TRPM3: variants seen among roughly 807,000 people sequenced by gnomAD.
TRPM3 encodes the protein long transient receptor potential channel 3.
TRPM3 carries 77 observed loss-of-function variants against 181.2 expected under a neutral mutation model. The observed-to-expected ratio is 0.42, with a 90% CI of 0.35 to 0.51. TRPM3 has a LOEUF of 0.51. TRPM3 is among the 20% of genes least tolerant of loss of function. TRPM3 has a pLI of 0.01. For missense variants in TRPM3, 1,759 were observed against 2,196.7 expected (o/e 0.80, Z 3.98); for synonymous variants, 745 against 796.4 (o/e 0.94, Z 1.09).
intron 8 of TRPM3, among the ~76,000 whole-genome samples, chr9:70,697,540 C>G (rs1243140987): frequency 6.6e-6 from 1 of 152,126 alleles, no homozygotes; most frequent in African/African-American, 2.4e-5. Flanking sequence ...ACTCCAGGGT[C>G]AAAACTCTGC....
At position 70,667,519 on chromosome 9, in the gene TRPM3, G is replaced by A. The variant is rs530602370; in HGVS notation, c.1345+13987C>T. 5.5e-4 allele frequency among the ~76,000 whole-genome samples: 84 copies of A among 152,150 alleles called. No individual in the cohort carries two copies. The South Asian group carries it at 0.017, about 31-fold the overall frequency. Reference sequence around the variant, plus strand: ...GTGGCCCAGGTCTCACTTTGTACCTGGTTCCCCTAGACCAGAAAATCTGTT... The same window carrying A: ...GTGGCCCAGGTCTCACTTTGTACCTAGTTCCCCTAGACCAGAAAATCTGTT... On this transcript the variant is annotated intron_variant, in intron 9 of 25. Coordinates refer to ENST00000677713, the MANE Select transcript of TRPM3 (RefSeq NM_001366145.2).
At chr9:71,081,917 T>C (rs473392) in intron 1 of TRPM3, among the ~76,000 whole-genome samples, 138,368 of 152,224 alleles carry the variant, frequency 0.91, 62,981 homozygotes, top group East Asian at 1. Context: ...ATGATAATTA[T>C]AAGTAAGATA....
At chr9:71,158,986 C>G (rs1428492596) in intron 1 of TRPM3, among the ~76,000 whole-genome samples, 1 of 152,030 alleles carries the variant, frequency 6.6e-6, no homozygotes, top group Admixed American at 6.6e-5. Flanking sequence ...CATCAGTGCT[C>G]TGCGCCTCAG....
chr9:71,147,900 C>T (rs1259904404), intron 1 of TRPM3, among the ~76,000 whole-genome samples: 1 of 152,052 alleles, frequency 6.6e-6, no homozygotes, highest in African/African-American at 2.4e-5. Flanking sequence ...TTTCTTTTTC[C>T]AGAATCTAGA....
At chr9:71,013,939 T>C (rs566145570) in intron 1 of TRPM3, among the ~76,000 whole-genome samples, 1 of 152,090 alleles carries the variant, frequency 6.6e-6, no homozygotes, top group East Asian at 1.9e-4. Context: ...CCTGCTCTTA[T>C]AGTTATTATT....
chr9:71,252,803 G>A (rs189145694), intron 1 of TRPM3, among the ~76,000 whole-genome samples: 1 of 149,416 alleles, frequency 6.7e-6, no homozygotes, highest in Admixed American at 6.6e-5. Context: ...CTCCCAAGTA[G>A]CTGGGACCAC....
chr9:71,073,652 A>AT lies in TRPM3; in HGVS notation c.177+47525_177+47526insA, dbSNP rs536819191. On this transcript the variant is annotated intron_variant, in intron 1 of 25. Coordinates refer to ENST00000677713, the MANE Select transcript of TRPM3 (RefSeq NM_001366145.2). ...TCCATAGATTATCAATAAAAAAAAA[A>AT]CCCAATTTATTTAGAAAATGTTATT... Among the ~76,000 whole-genome samples, 304 of 151,620 alleles carry AT rather than the reference A, an allele frequency of 2.0e-3. 2 individuals carry two copies. Among genetic ancestry groups the AT allele is most frequent in the African/African-American group, 7.1e-3 (292 of 41,278 alleles).
chr9:70,830,163 G>A (rs1036585144), intron 5 of TRPM3, among the ~76,000 whole-genome samples: 6 of 152,190 alleles, frequency 3.9e-5, no homozygotes, highest in Non-Finnish European at 2.9e-5. Context: ...GGGCATTTGT[G>A]CTGGCTGAGA....
intron 1 of TRPM3, among the ~76,000 whole-genome samples, chr9:71,305,090 C>T (rs574924129): frequency 6.6e-6 from 1 of 152,266 alleles, no homozygotes; most frequent in Non-Finnish European, 1.5e-5. Flanking sequence ...CAAGAATTTT[C>T]CCAAACATAC....
chr9:70,629,984 G>A (rs1235985677), intron 12 of TRPM3, among the ~76,000 whole-genome samples: 2 of 152,194 alleles, frequency 1.3e-5, no homozygotes, highest in East Asian at 1.9e-4. Context: ...CTCTGAGGGG[G>A]ATGGCAGCCT....
At chr9:71,198,585 C>T (rs1165514340) in intron 1 of TRPM3, among the ~76,000 whole-genome samples, 1 of 151,900 alleles carries the variant, frequency 6.6e-6, no homozygotes, top group Non-Finnish European at 1.5e-5. Context: ...AGAGGTCCTT[C>T]ACATCCCTTG....
intron 5 of TRPM3, among the ~76,000 whole-genome samples, chr9:70,837,557 T>A (rs904181086): frequency 3.9e-5 from 6 of 152,218 alleles, no homozygotes; most frequent in Non-Finnish European, 8.8e-5. Context: ...CTTGTTAATC[T>A]AGATTTCAGA....
At chr9:70,799,730 T>C (rs948472935) in intron 6 of TRPM3, among the ~76,000 whole-genome samples, 2 of 152,222 alleles carry the variant, frequency 1.3e-5, no homozygotes, top group African/African-American at 4.8e-5. Flanking sequence ...CAGGGACCAG[T>C]GCCAGTCAGT....
chr9:71,436,141 T>C lies in TRPM3; in HGVS notation c.183+10512A>G, dbSNP rs146674821. Among the ~76,000 whole-genome samples, 1,193 of 152,212 alleles carry C rather than the reference T, an allele frequency of 7.8e-3. 18 individuals are homozygous for C. Among genetic ancestry groups the C allele is most frequent in the African/African-American group, 0.027 (1,133 of 41,536 alleles). ...AAAATCTGATGGGTTTATCAGGGGT[T>C]TCTGCTTTTGCTTCTTCCTCATTTT... On this transcript the variant is annotated intron_variant, in intron 1 of 24. Coordinates refer to the TRPM3 transcript ENST00000357533.
chr9:70,881,976 A>G (rs1230053915), intron 1 of TRPM3, among the ~76,000 whole-genome samples: 2 of 152,210 alleles, frequency 1.3e-5, no homozygotes, highest in Non-Finnish European at 2.9e-5. Flanking sequence ...ATCTTAAACA[A>G]TCATAAAGTA....
chr9:70,768,216 A>G (rs2079521275), intron 7 of TRPM3, among the ~76,000 whole-genome samples: 1 of 152,178 alleles, frequency 6.6e-6, no homozygotes, highest in South Asian at 2.1e-4. Context: ...TACTCCAACT[A>G]TTCATAAATA....
intron 1 of TRPM3, among the ~76,000 whole-genome samples, chr9:71,019,521 A>G (rs568943604): frequency 6.6e-6 from 1 of 152,224 alleles, no homozygotes; most frequent in African/African-American, 2.4e-5. Context: ...TAAAAATTTT[A>G]ACAAAAGCCA....
chr9:71,331,654 G>A (rs2090121398), intron 1 of TRPM3, among the ~76,000 whole-genome samples: 1 of 147,842 alleles, frequency 6.8e-6, no homozygotes, highest in African/African-American at 2.5e-5. Context: ...AGGAAGAAGA[G>A]GAGAGGGAAG....
At chr9:70,574,965 AG>A (rs1354761027) in intron 22 of TRPM3, among the ~76,000 whole-genome samples, 2 of 150,076 alleles carry the variant, frequency 1.3e-5, no homozygotes, top group African/African-American at 4.9e-5. Context: ...TTTTCCCAAC[AG>A]GGTCTCACTC....
Sources: gnomAD v4.1 joint callset for allele counts (sites outside exome capture counted in the v4.1 genomes callset) on GRCh38, gnomAD v4.1.1 for gene constraint, MANE v1.5 for transcripts, NCBI Gene and HGNC (gene_info 2026-07-23, HGNC 2026-07-21) for gene names.